SH2D4A: variants seen among roughly 807,000 people sequenced by gnomAD.
The protein encoded by SH2D4A is SH2 domain-containing protein 4A.
A neutral mutation model predicts 64.7 loss-of-function variants in SH2D4A; 70 were observed. The observed-to-expected ratio is 1.08, with a 90% CI of 0.89 to 1.32. SH2D4A has a LOEUF of 1.32. Among genes scored for constraint, SH2D4A ranks in the 40% most tolerant of loss-of-function variants. The probability of loss-of-function intolerance (pLI) is 0.00; values close to 1 mark genes in which losing one functional copy is unlikely to be tolerated. For missense variants in SH2D4A, 706 were observed against 540.1 expected (o/e 1.31, Z -3.04); for synonymous variants, 268 against 200.7 (o/e 1.34, Z -2.83).
intron 4 of SH2D4A, among the ~76,000 whole-genome samples, chr8:19,354,322 A>G (rs948546310): frequency 6.6e-6 from 1 of 152,162 alleles, no homozygotes; most frequent in African/African-American, 2.4e-5. Flanking sequence ...TTATGCTAAA[A>G]TTCTACTCAA....
chr8:19,394,029 C>G (rs559492808), intron 9 of SH2D4A, among the ~76,000 whole-genome samples: 3 of 152,070 alleles, frequency 2.0e-5, no homozygotes, highest in Non-Finnish European at 4.4e-5. Context: ...TTTCCTGCAA[C>G]TAGACAGTCC....
At chr8:19,385,251 C>G (rs912125012) in intron 8 of SH2D4A, among the ~76,000 whole-genome samples, 2 of 151,578 alleles carry the variant, frequency 1.3e-5, no homozygotes, top group African/African-American at 2.4e-5. Flanking sequence ...GCTCCACTAC[C>G]CAGGCTAGAG....
intron 4 of SH2D4A, among the ~76,000 whole-genome samples, chr8:19,344,860 C>G (rs1351242248): frequency 6.6e-6 from 1 of 152,192 alleles, no homozygotes; most frequent in Non-Finnish European, 1.5e-5. Context: ...TGGGTCAACA[C>G]TCTGTAAACA....
chr8:19,348,581 G>T (rs2052648070), intron 4 of SH2D4A, among the ~76,000 whole-genome samples: 1 of 152,152 alleles, frequency 6.6e-6, no homozygotes, highest in Admixed American at 6.5e-5. Flanking sequence ...GGACTTCAGT[G>T]GTTTGCCTTT....
chr8:19,326,916 A>G (rs1340691653), intron 2 of SH2D4A, among the ~76,000 whole-genome samples: 1 of 152,182 alleles, frequency 6.6e-6, no homozygotes, highest in Non-Finnish European at 1.5e-5. Context: ...CGAGCCCATC[A>G]CCTGGGAATA....
In SH2D4A at chr8:19,357,204, C is replaced by T; in HGVS notation, c.515C>T (p.Ser172Leu). 6.2e-7 allele frequency: 1 copy of T among 1,611,838 alleles called. No individual in the cohort carries two copies. The highest frequency in any genetic ancestry group is 1.3e-5 in the African/African-American group (1 of 75,012). The stretch of plus-strand genomic sequence containing the variant: ...AAATGTGTTTCGTTTAATTTTTAGT[C>T]ACTCTCCAGTTCTTCAAGAAATATT... ...APTLEEEKIRSLSSSSRNIQQ... is the reference protein window; with the variant it reads ...APTLEEEKIRLLSSSSRNIQQ... Residue 172 changes from serine to leucine, a missense_variant and splice_region_variant, in exon 5 of 10, where the codon TCA becomes TTA. Physicochemically the swap from Ser to Leu is moderately radical, Grantham distance 145. Coordinates refer to ENST00000265807, the MANE Select transcript of SH2D4A (RefSeq NM_022071.4).
chr8:19,327,235 G>C (rs2052296494), intron 2 of SH2D4A, among the ~76,000 whole-genome samples: 1 of 152,154 alleles, frequency 6.6e-6, no homozygotes, highest in African/African-American at 2.4e-5. Flanking sequence ...GAGTCCTGCA[G>C]TGTATAAACA....
rs1476892911 is a variant in SH2D4A, at chr8:19,373,773, T to C, written c.1048+113T>C. 12 of 1,349,976 alleles carry C rather than the reference T, an allele frequency of 8.9e-6. No individual in the cohort carries two copies. In the East Asian group the frequency reaches 3.0e-4, roughly 33 times the overall value. 83.6% of individuals were successfully genotyped at this position (1,349,976 alleles called of 1,614,324 possible). A position where few individuals can be genotyped will look rare whatever the true frequency, so the allele number is the denominator to read the frequency against. On this transcript the variant is annotated intron_variant, in intron 8 of 9. Transcript: ENST00000265807. ...ATTTATTGGTGCTGCCCAAAAAGAG[T>C]CTTTCAGATTATTTCACAAAGCAGT...
At chr8:19,344,811 G>A in intron 4 of SH2D4A, among the ~76,000 whole-genome samples, 1 of 152,082 alleles carries the variant, frequency 6.6e-6, no homozygotes, top group Non-Finnish European at 1.5e-5. Context: ...GAAATACTGT[G>A]CATGTACTAT....
At chr8:19,354,913 G>C (rs1253274501) in intron 4 of SH2D4A, among the ~76,000 whole-genome samples, 1 of 152,238 alleles carries the variant, frequency 6.6e-6, no homozygotes, top group South Asian at 2.1e-4. Flanking sequence ...GACAGCAAAT[G>C]TGCTGCGGAC....
chr8:19,395,091 C>T lies in SH2D4A; in HGVS notation c.*449C>T, dbSNP rs2280443. On this transcript the variant is annotated 3_prime_UTR_variant, in exon 10 of 10. Transcript: ENST00000265807. ...TTTGGAATGGTAGCAAAAGCCTTTC[C>T]TGGCTGAGATGATGCTTAAAACACA... 57,772 of 152,228 alleles carry T rather than the reference C, an allele frequency of 0.38. 11,890 individuals carry two copies. The highest frequency in any genetic ancestry group is 0.5 in the Middle Eastern group (147 of 296). 9.4% of individuals were successfully genotyped at this position (152,228 alleles called of 1,614,324 possible). A position where few individuals can be genotyped will look rare whatever the true frequency, so the allele number is the denominator to read the frequency against.
chr8:19,394,674 AAG>A lies in SH2D4A; in HGVS notation c.*33_*34del. ...CCATCAGGGTCATCCTACAGCCTCC[AAG>A]CGGGCTTTCCCCTGGACAAATGCCA... On this transcript the variant is annotated 3_prime_UTR_variant, in exon 10 of 10. Transcript: ENST00000265807. 6 of 1,553,250 alleles carry A rather than the reference AAG, an allele frequency of 3.9e-6. No homozygotes were observed. The South Asian group carries it at 5.9e-5, about 15-fold the overall frequency.
At position 19,334,740 on chromosome 8, in the gene SH2D4A, T is replaced by C; in HGVS notation, c.396T>C (p.His132=). Residue 132 remains histidine (H), a synonymous_variant, in exon 4 of 10, where the codon CAT becomes CAC. Coordinates refer to ENST00000265807, the MANE Select transcript of SH2D4A (RefSeq NM_022071.4). The part of the protein sequence containing the change: ...TNSLKTKSQY[H]DLQAPDNQQT... ...GCTTGAAAACAAAATCACAGTACCA[T>C]GATCTGCAGGCTCCGGATAACCAGC... 1.2e-6 allele frequency: 2 copies of C among 1,613,952 alleles called. No individual in the cohort carries two copies. The highest frequency in any genetic ancestry group is 1.7e-6 in the Non-Finnish European group (2 of 1,179,960).
chr8:19,328,429 C>G (rs1037778408), intron 2 of SH2D4A, among the ~76,000 whole-genome samples: 3 of 152,094 alleles, frequency 2.0e-5, no homozygotes, highest in Admixed American at 1.3e-4. Flanking sequence ...CTGCTGTGTT[C>G]CCAGTTAGCG....
chr8:19,391,785 G>T (rs2153652552), intron 8 of SH2D4A, among the ~76,000 whole-genome samples: 1 of 152,328 alleles, frequency 6.6e-6, no homozygotes, highest in Middle Eastern at 3.4e-3. Flanking sequence ...TTTTACTCTG[G>T]AGAGAGTTCA....
intron 4 of SH2D4A, among the ~76,000 whole-genome samples, chr8:19,346,819 A>G (rs1194068612): frequency 1.3e-5 from 2 of 152,158 alleles, no homozygotes; most frequent in South Asian, 2.1e-4. Context: ...AAATCCTTCA[A>G]TTACAGGATG....
chr8:19,336,604 G>T (rs1397582137), intron 4 of SH2D4A, among the ~76,000 whole-genome samples: 1 of 152,156 alleles, frequency 6.6e-6, no homozygotes, highest in Non-Finnish European at 1.5e-5. Context: ...TAATCTCAGT[G>T]CTTTTGGAGG....
chr8:19,318,871 C>T (rs1208088842), intron 1 of SH2D4A, among the ~76,000 whole-genome samples: 2 of 152,200 alleles, frequency 1.3e-5, no homozygotes, highest in East Asian at 3.8e-4. Context: ...CTTCCTTGAG[C>T]ATGGCTCTAT....
At chr8:19,348,094 CGTGT>C (rs893949357) in intron 4 of SH2D4A, among the ~76,000 whole-genome samples, 1 of 151,874 alleles carries the variant, frequency 6.6e-6, no homozygotes, top group Non-Finnish European at 1.5e-5. Flanking sequence ...TTTTTGTGTG[CGTGT>C]GTGTGTGTAT....
Sources: allele counts gnomAD v4.1 joint callset (sites outside exome capture counted in the v4.1 genomes callset), GRCh38; gene constraint gnomAD v4.1.1; transcripts MANE v1.5; gene names NCBI Gene and HGNC (gene_info 2026-07-23, HGNC 2026-07-21).